The following ARSK variants were observed in gnomAD, a reference collection of about 807,000 sequenced individuals.
The protein encoded by ARSK is arylsulfatase family member K.
A neutral mutation model predicts 53.2 loss-of-function variants in ARSK; 37 were observed. That is an observed-to-expected ratio of 0.70 (90% CI 0.54 to 0.92). The LOEUF (loss-of-function observed/expected upper bound fraction) is 0.92, where lower values mean the gene tolerates loss of function less well. Among genes scored for constraint, ARSK ranks in the 40% least tolerant of loss-of-function variants. The probability of loss-of-function intolerance (pLI) is 0.00; values close to 1 mark genes in which losing one functional copy is unlikely to be tolerated. For missense variants in ARSK, 613 were observed against 643.0 expected (o/e 0.95, Z 0.51); for synonymous variants, 208 against 223.2 (o/e 0.93, Z 0.61).
chr5:95,587,357 C>G (rs1183811338), intron 5 of ARSK, among the ~76,000 whole-genome samples: 1 of 152,100 alleles, frequency 6.6e-6, no homozygotes, highest in Non-Finnish European at 1.5e-5. Context: ...TGGAAAAACC[C>G]TCGTTTAAAA....
intron 1 of ARSK, among the ~76,000 whole-genome samples, chr5:95,563,973 CTTTTT>C (rs70978189): frequency 8.1e-6 from 1 of 123,976 alleles, no homozygotes; most frequent in African/African-American, 3.0e-5. Flanking sequence ...GGGCTATGCA[CTTTTT>C]TTTTTTTTTT....
intron 5 of ARSK, among the ~76,000 whole-genome samples, chr5:95,589,184 T>G (rs1002832350): frequency 6.6e-6 from 1 of 152,168 alleles, no homozygotes; most frequent in Non-Finnish European, 1.5e-5. Context: ...ACTTTATACC[T>G]TGTCAGGTTG....
At chr5:95,568,854 A>G (rs894011011) in intron 3 of ARSK, among the ~76,000 whole-genome samples, 2 of 152,144 alleles carry the variant, frequency 1.3e-5, no homozygotes, top group African/African-American at 2.4e-5. Flanking sequence ...GAATTTTGGT[A>G]TGTGCGAAGT....
At chr5:95,564,808 C>G (rs1748700836) in intron 1 of ARSK, among the ~76,000 whole-genome samples, 1 of 152,150 alleles carries the variant, frequency 6.6e-6, no homozygotes, top group African/African-American at 2.4e-5. Flanking sequence ...TGCTGTTTCC[C>G]CTCTTATTTG....
At chr5:95,571,963 A>T (rs1484905593) in intron 3 of ARSK, among the ~76,000 whole-genome samples, 1 of 152,198 alleles carries the variant, frequency 6.6e-6, no homozygotes, top group African/African-American at 2.4e-5. Flanking sequence ...TGACTTTCAA[A>T]ATCAAAATGC....
At chr5:95,590,090 G>C (rs1160829163) in intron 5 of ARSK, among the ~76,000 whole-genome samples, 1 of 152,200 alleles carries the variant, frequency 6.6e-6, no homozygotes, top group African/African-American at 2.4e-5. Flanking sequence ...ACAGTAATAT[G>C]CAAGTTGTAG....
chr5:95,601,203 C>G, intron 7 of ARSK, 132 bp downstream of exon 7: 1 of 904,324 alleles, frequency 1.1e-6, no homozygotes, highest in East Asian at 2.6e-5. Context: ...GGACGATCTA[C>G]AAAAGGTTGC....
chr5:95,572,741 G>C (rs1748856753), intron 3 of ARSK, among the ~76,000 whole-genome samples: 1 of 152,140 alleles, frequency 6.6e-6, no homozygotes, highest in African/African-American at 2.4e-5. Context: ...TTGCACCACT[G>C]CAGTCCGGCC....
At chr5:95,587,576 T>G (rs2112437695) in intron 5 of ARSK, among the ~76,000 whole-genome samples, 2 of 152,288 alleles carry the variant, frequency 1.3e-5, no homozygotes, top group Admixed American at 1.3e-4. Context: ...AAAGGCCATA[T>G]GGACAAATTA....
At chr5:95,602,813 G>T (rs1749425503) in intron 7 of ARSK, among the ~76,000 whole-genome samples, 1 of 152,168 alleles carries the variant, frequency 6.6e-6, no homozygotes, top group Non-Finnish European at 1.5e-5. Flanking sequence ...ACTAAGTAAA[G>T]TTGCAGGAAC....
At chr5:95,559,821 A>C (rs917688508) in intron 1 of ARSK, among the ~76,000 whole-genome samples, 2 of 152,232 alleles carry the variant, frequency 1.3e-5, no homozygotes, top group African/African-American at 2.4e-5. Flanking sequence ...CACCACTGCT[A>C]TACAGCATTG....
intron 2 of ARSK, among the ~76,000 whole-genome samples, chr5:95,566,563 A>G (rs1474440290): frequency 6.6e-6 from 1 of 152,108 alleles, no homozygotes; most frequent in Non-Finnish European, 1.5e-5. Flanking sequence ...TTTTCTTATT[A>G]TTTCAGATTA....
intron 3 of ARSK, chr5:95,580,837 C>G: frequency 9.6e-7 from 1 of 1,046,878 alleles, no homozygotes; most frequent in South Asian, 1.3e-5. Context: ...TCACTTTATA[C>G]TCATGTTCTT....
chr5:95,576,275 T>A (rs2112426421), intron 3 of ARSK, among the ~76,000 whole-genome samples: 1 of 148,732 alleles, frequency 6.7e-6, no homozygotes, highest in East Asian at 2.0e-4. Flanking sequence ...CTCAGCTCAC[T>A]GCAACCTCCA....
intron 5 of ARSK, among the ~76,000 whole-genome samples, chr5:95,588,340 G>A (rs1749156075): frequency 1.3e-5 from 2 of 151,212 alleles, no homozygotes; most frequent in Non-Finnish European, 2.9e-5. Flanking sequence ...GGGTTCAAGC[G>A]ATTCTCCTGC....
intron 6 of ARSK, among the ~76,000 whole-genome samples, chr5:95,600,456 A>ATTAT (rs1749382800): frequency 6.6e-6 from 1 of 152,220 alleles, no homozygotes; most frequent in Non-Finnish European, 1.5e-5. Flanking sequence ...AACAACTATG[A>ATTAT]TTATTTAATC....
chr5:95,592,312 G>GA (rs752079026), intron 6 of ARSK, among the ~76,000 whole-genome samples: 23 of 150,188 alleles, frequency 1.5e-4, no homozygotes, highest in South Asian at 4.2e-4. Context: ...TTTGGTGAAA[G>GA]AAAAAAAAAT....
At position 95,555,370 on chromosome 5, in the gene ARSK, C is replaced by A. The variant is rs760563103; in HGVS notation, c.92C>A (p.Ala31Glu). The A allele has an allele frequency of 6.2e-7, 1 of 1,610,586 alleles. No homozygotes were observed. Among genetic ancestry groups the A allele is most frequent in the Non-Finnish European group, 8.5e-7 (1 of 1,179,216 alleles). Residue 31 changes from alanine to glutamate, a missense_variant, in exon 1 of 8, where the codon GCG becomes GAG. By Grantham distance (107) the Ala-to-Glu change is moderately radical. Transcript: ENST00000380009. This position sits in a 1 kb window ranked among gnomAD's most constrained non-coding sequence, Gnocchi z 4.0. ...AGEQRRRAAKAPNVVLVVSDS... is the reference protein window; with the variant it reads ...AGEQRRRAAKEPNVVLVVSDS... ...GAGCAGAGGCGGAGAGCAGCCAAAGCGCCCAATGTGGTGCTGGTCGTGAGC... is the reference window on the plus strand; with the variant it reads ...GAGCAGAGGCGGAGAGCAGCCAAAGAGCCCAATGTGGTGCTGGTCGTGAGC...
intron 6 of ARSK, among the ~76,000 whole-genome samples, chr5:95,594,567 C>T (rs1749270465): frequency 6.6e-6 from 1 of 152,134 alleles, no homozygotes; most frequent in Admixed American, 6.6e-5. Context: ...TCTTGCTGGG[C>T]ACGGTGGCTC....
Sources: allele counts gnomAD v4.1 joint callset (sites outside exome capture counted in the v4.1 genomes callset), GRCh38; gene constraint gnomAD v4.1.1; non-coding constraint Gnocchi (gnomAD v3.1); transcripts MANE v1.5; gene names NCBI Gene and HGNC (gene_info 2026-07-23, HGNC 2026-07-21).